Variants in GABRB1 observed in about 807,000 individuals in gnomAD.
GABRB1 encodes gamma-aminobutyric acid receptor subunit beta-1.
A neutral mutation model predicts 51.6 loss-of-function variants in GABRB1; 17 were observed. The observed-to-expected ratio is 0.33, with a 90% confidence interval of 0.23 to 0.49. GABRB1 has a LOEUF of 0.49. Among genes scored for constraint, GABRB1 ranks in the 20% least tolerant of loss-of-function variants. The pLI is 0.99. For missense variants in GABRB1, 410 were observed against 600.6 expected, an observed-to-expected ratio of 0.68 and a Z score of 3.32; for synonymous variants, 247 against 218.9, an observed-to-expected ratio of 1.13 and a Z score of -1.14.
chr4:47,423,306 A>G (rs1048900715), intron 8 of GABRB1, among the ~76,000 whole-genome samples: 7 of 152,202 alleles, frequency 4.6e-5, no homozygotes, highest in African/African-American at 1.7e-4. Context: ...AGTCTAGTCC[A>G]TTCAGTGTAG....
intron 5 of GABRB1, among the ~76,000 whole-genome samples, chr4:47,333,462 C>A (rs1185718149): frequency 6.6e-6 from 1 of 152,008 alleles, no homozygotes; most frequent in African/African-American, 2.4e-5. Flanking sequence ...TGCCTGTAAT[C>A]CCAGCATTTT....
At chr4:47,212,062 C>A (rs1279564939) in intron 4 of GABRB1, among the ~76,000 whole-genome samples, 1 of 152,126 alleles carries the variant, frequency 6.6e-6, no homozygotes, top group Non-Finnish European at 1.5e-5. Flanking sequence ...ATTCAGCCTA[C>A]CACAGCCTGA....
At chr4:47,367,870 C>A (rs1288091265) in intron 5 of GABRB1, among the ~76,000 whole-genome samples, 2 of 152,202 alleles carry the variant, frequency 1.3e-5, no homozygotes, top group East Asian at 3.8e-4. Flanking sequence ...CTGTGCCATG[C>A]CCCACAAGTT....
chr4:47,334,971 A>G (rs1172440814), intron 5 of GABRB1, among the ~76,000 whole-genome samples: 1 of 152,194 alleles, frequency 6.6e-6, no homozygotes, highest in African/African-American at 2.4e-5. Flanking sequence ...TCCTGGGCAG[A>G]GTGATGAATC....
chr4:47,170,168 T>C lies in GABRB1; in HGVS notation c.461+8699T>C, dbSNP rs114713754. Among the ~76,000 whole-genome samples the C allele has an allele frequency of 5.8e-3, 887 of 152,256 alleles. 5 individuals are homozygous for C. The highest frequency in any genetic ancestry group is 0.021 in the African/African-American group (853 of 41,550). ...TGATAACTCCTCTACCATATTTGTT[T>C]ACCTGGCTCTATTTCGAATCAATTT... On this transcript the variant is annotated intron_variant, in intron 4 of 8. Transcript: ENST00000295454.
chr4:47,338,119 A>G (rs1270456273), intron 5 of GABRB1, among the ~76,000 whole-genome samples: 2 of 152,218 alleles, frequency 1.3e-5, no homozygotes, highest in East Asian at 1.9e-4. Context: ...ATTTTCTTCC[A>G]TATCTCTTGG....
intron 5 of GABRB1, among the ~76,000 whole-genome samples, chr4:47,383,549 C>A (rs1727667063): frequency 6.6e-6 from 1 of 151,964 alleles, no homozygotes; most frequent in African/African-American, 2.4e-5. Flanking sequence ...AAATTCTGAT[C>A]TGATATATTA....
chr4:47,222,834 A>T (rs544476578), intron 4 of GABRB1, among the ~76,000 whole-genome samples: 79 of 152,062 alleles, frequency 5.2e-4, no homozygotes, highest in African/African-American at 1.8e-3. Context: ...TTATCTCTTT[A>T]AAAAAAATCT....
At chr4:47,267,306 A>G (rs1429912093) in intron 4 of GABRB1, among the ~76,000 whole-genome samples, 1 of 152,100 alleles carries the variant, frequency 6.6e-6, no homozygotes, top group African/African-American at 2.4e-5. Flanking sequence ...AACAAAAAAG[A>G]GTTCTTGGAA....
chr4:47,261,561 G>T (rs1397981821), intron 4 of GABRB1, among the ~76,000 whole-genome samples: 1 of 152,008 alleles, frequency 6.6e-6, no homozygotes, highest in East Asian at 1.9e-4. Context: ...AGAAATGGAA[G>T]AACATTCCAT....
At chr4:47,193,132 T>C (rs1719511911) in intron 4 of GABRB1, among the ~76,000 whole-genome samples, 1 of 146,742 alleles carries the variant, frequency 6.8e-6, no homozygotes, top group African/African-American at 2.8e-5. Flanking sequence ...TTTTTTGTTG[T>C]TGTTGTTGTT....
At position 47,141,786 on chromosome 4, in the gene GABRB1, A is replaced by G. The variant is rs888891083; in HGVS notation, c.241-19463A>G. ...CTAACTTAAAGGTAAATCCAAGTAAATATAAGTATCTATTGCACAAAAAAT... is the reference window on the plus strand; with the variant it reads ...CTAACTTAAAGGTAAATCCAAGTAAGTATAAGTATCTATTGCACAAAAAAT... On this transcript the variant is annotated intron_variant, in intron 3 of 8. Coordinates refer to ENST00000295454, the MANE Select transcript of GABRB1 (RefSeq NM_000812.4). Among the ~76,000 whole-genome samples, 23 of 152,070 alleles carry G rather than the reference A, an allele frequency of 1.5e-4. No individual in the cohort carries two copies. The Middle Eastern group carries it at 0.014, about 90-fold the overall frequency.
chr4:47,123,383 TTA>T (rs1045358796), intron 3 of GABRB1, among the ~76,000 whole-genome samples: 26 of 120,012 alleles, frequency 2.2e-4, no homozygotes, highest in East Asian at 1.2e-3. Flanking sequence ...ATATTATATT[TTA>T]TATATATATT....
At chr4:47,289,532 G>A (rs749712207) in intron 4 of GABRB1, among the ~76,000 whole-genome samples, 16 of 152,162 alleles carry the variant, frequency 1.1e-4, no homozygotes, top group Admixed American at 2.6e-4. Context: ...CCACCAAACA[G>A]AATTTCTTTT....
At chr4:47,334,533 A>G (rs1365988478) in intron 5 of GABRB1, among the ~76,000 whole-genome samples, 1 of 152,218 alleles carries the variant, frequency 6.6e-6, no homozygotes, top group East Asian at 1.9e-4. Context: ...TAGTATCATT[A>G]ATACTCCTAA....
chr4:47,055,582 T>C (rs1182753570), intron 3 of GABRB1, among the ~76,000 whole-genome samples: 2 of 152,172 alleles, frequency 1.3e-5, no homozygotes, highest in Admixed American at 1.3e-4. Context: ...GATCCCACCA[T>C]AGCAGAGATG....
At chr4:47,286,534 ACTT>A (rs1282735203) in intron 4 of GABRB1, among the ~76,000 whole-genome samples, 1 of 152,114 alleles carries the variant, frequency 6.6e-6, no homozygotes, top group East Asian at 1.9e-4. Context: ...ACGCCAGAAC[ACTT>A]CAAGTCCCCT....
chr4:47,077,920 T>TA (rs1727633917), intron 3 of GABRB1, among the ~76,000 whole-genome samples: 2 of 133,244 alleles, frequency 1.5e-5, no homozygotes, highest in African/African-American at 5.6e-5. Flanking sequence ...ATATTATATA[T>TA]TTTATATATA....
chr4:47,269,109 A>T (rs1414028554), intron 4 of GABRB1, among the ~76,000 whole-genome samples: 1 of 152,212 alleles, frequency 6.6e-6, no homozygotes, highest in Non-Finnish European at 1.5e-5. Flanking sequence ...TTTGAGATTT[A>T]CTTAATGATG....
Sources: gnomAD v4.1 joint callset for allele counts (sites outside exome capture counted in the v4.1 genomes callset) on GRCh38, gnomAD v4.1.1 for gene constraint, MANE v1.5 for transcripts, NCBI Gene and HGNC (gene_info 2026-07-23, HGNC 2026-07-21) for gene names.